Variants in CD109 observed in about 807,000 individuals in gnomAD.
The protein encoded by CD109 is CD109 molecule.
Under a neutral mutation model 165.8 loss-of-function variants are expected in CD109, and 149 were observed. That is an observed-to-expected ratio of 0.90 (90% CI 0.79 to 1.03). The LOEUF is 1.03. Among genes scored for constraint, CD109 ranks in the 50% least tolerant of loss-of-function variants. The probability of loss-of-function intolerance (pLI) is 0.00; values close to 1 mark genes in which losing one functional copy is unlikely to be tolerated. For synonymous variants in CD109, 585 were observed against 592.1 expected (o/e 0.99, Z 0.18); for missense variants, 1,712 against 1,677.8 (o/e 1.02, Z -0.36).
rs1773836510 is a variant in CD109, at chr6:73,766,145, A to G, written c.1323A>G (p.Leu441=). Residue 441 remains leucine (L), a synonymous_variant, in exon 11 of 33, where the codon CTA becomes CTG. Transcript: ENST00000287097. The stretch of plus-strand genomic sequence containing the variant: ...CAATCCTGGAGGATTCCAGTGAGCT[A>G]CAGTTGAAGGTGCCGTCTGTTTCCC... ...EFPILEDSSE[L]QLKAYFLGSK... The G allele has an allele frequency of 1.9e-6, 3 of 1,613,430 alleles. 1 individual carries two copies. Among genetic ancestry groups the G allele is most frequent in the Non-Finnish European group, 2.5e-6 (3 of 1,179,342 alleles).
intron 2 of CD109, among the ~76,000 whole-genome samples, chr6:73,702,435 T>C (rs150284817): frequency 1.4e-3 from 210 of 152,296 alleles, no homozygotes; most frequent in African/African-American, 4.7e-3. Context: ...ATTAGTGTAG[T>C]GTGTGGGCAG....
chr6:73,729,491 G>GTTATTATTATTA (rs144709719), intron 3 of CD109, among the ~76,000 whole-genome samples: 8 of 142,046 alleles, frequency 5.6e-5, no homozygotes, highest in Middle Eastern at 3.6e-3. Context: ...GACTTCTATT[G>GTTATTATTATTA]TTATTATTAT....
the CD109 span, among the ~76,000 whole-genome samples, chr6:73,690,411 G>GT: frequency 7.4e-3 from 1,129 of 151,848 alleles, 12 homozygotes; most frequent in African/African-American, 0.026. Flanking sequence ...TTTTTTGTTT[G>GT]TTTTTTTGAG....
intron 3 of CD109, among the ~76,000 whole-genome samples, chr6:73,725,138 A>C (rs1049895444): frequency 6.6e-6 from 1 of 152,214 alleles, no homozygotes; most frequent in African/African-American, 2.4e-5. Context: ...GGGGAAAAAA[A>C]CCCTGCAATC....
At chr6:73,683,098 T>C in the CD109 span, among the ~76,000 whole-genome samples, 2 of 152,388 alleles carry the variant, frequency 1.3e-5, no homozygotes, top group South Asian at 2.1e-4. Context: ...TCATTACTTA[T>C]GCAAATTTCT....
rs199818913 is a variant in CD109 at position 73,756,600 on chromosome 6, A to G, written c.634-43A>G. On this transcript the variant is annotated intron_variant, in intron 5 of 32. Coordinates refer to ENST00000287097, the MANE Select transcript of CD109 (RefSeq NM_133493.5). ...AAGTAAGCAAGCAAAATAAATAAGA[A>G]CTCATATACTTTCCTGTCTTTTTTT... is the stretch of plus-strand genomic sequence containing the variant. The G allele has an allele frequency of 1.8e-5, 24 of 1,307,836 alleles. No homozygotes were observed. The African/African-American group carries it at 3.0e-4, about 16-fold the overall frequency. 81.0% of individuals were successfully genotyped at this position (1,307,836 alleles called of 1,614,324 possible).
At chr6:73,696,987 T>TAA (rs1309603704) in intron 1 of CD109, among the ~76,000 whole-genome samples, 26 of 152,344 alleles carry the variant, frequency 1.7e-4, no homozygotes, top group Non-Finnish European at 2.1e-4. Context: ...GGCAAAATCT[T>TAA]AGTTAAAAAA....
At chr6:73,725,675 A>AT (rs897347117) in intron 3 of CD109, among the ~76,000 whole-genome samples, 4 of 150,650 alleles carry the variant, frequency 2.7e-5, no homozygotes, top group South Asian at 2.1e-4. Flanking sequence ...TGCCCAGCTA[A>AT]TTTTTTTTTG....
At chr6:73,752,464 T>A (rs949235538) in intron 5 of CD109, among the ~76,000 whole-genome samples, 1 of 152,198 alleles carries the variant, frequency 6.6e-6, no homozygotes, top group Non-Finnish European at 1.5e-5. Flanking sequence ...TTCTGTAACA[T>A]ACACCCTCAC....
upstream of CD109, chr6:73,696,197 C>T: frequency 1.9e-6 from 3 of 1,544,602 alleles, no homozygotes; most frequent in Non-Finnish European, 2.6e-6. Flanking sequence ...GGACTGTAGC[C>T]CAGGCAGACG....
chr6:73,734,677 A>G (rs1200630761), intron 4 of CD109, among the ~76,000 whole-genome samples: 13 of 152,086 alleles, frequency 8.5e-5, no homozygotes, highest in Admixed American at 7.9e-4. Flanking sequence ...GGCTTATTAG[A>G]CTGCTTTCTG....
intron 5 of CD109, among the ~76,000 whole-genome samples, chr6:73,755,907 GCTGTGT>G (rs1773371982): frequency 2.0e-5 from 3 of 152,126 alleles, no homozygotes; most frequent in Non-Finnish European, 4.4e-5. Flanking sequence ...GCTTCAGTGA[GCTGTGT>G]TTGTGCCACT....
chr6:73,806,364 G>A (rs983820590), intron 24 of CD109, among the ~76,000 whole-genome samples: 14 of 151,928 alleles, frequency 9.2e-5, no homozygotes, highest in Admixed American at 6.5e-5. Flanking sequence ...ACCTGTTGTG[G>A]GGTGGGGGGA....
At chr6:73,779,489 C>T (rs1774391247) in intron 15 of CD109, among the ~76,000 whole-genome samples, 1 of 152,102 alleles carries the variant, frequency 6.6e-6, no homozygotes, top group Non-Finnish European at 1.5e-5. Context: ...ACCTCATGAT[C>T]CGCCCGCCTC....
chr6:73,779,310 G>A (rs1196263481), intron 15 of CD109, among the ~76,000 whole-genome samples: 3 of 149,252 alleles, frequency 2.0e-5, no homozygotes, highest in Non-Finnish European at 4.4e-5. Flanking sequence ...GTGCAATAGC[G>A]CGATCTTGGC....
intron 2 of CD109, among the ~76,000 whole-genome samples, chr6:73,722,914 G>A (rs200872048): frequency 2.0e-5 from 3 of 152,264 alleles, no homozygotes; most frequent in Admixed American, 6.5e-5. Flanking sequence ...TCTGTACAGC[G>A]TGTGAAGTGT....
chr6:73,807,039 T>G lies in CD109; in HGVS notation c.3156T>G (p.Ile1052Met). Reference sequence around the variant, plus strand: ...GTCCAGTAACACTTACAGCCTATATTGTAACTTCTCTCCTGGGATATAGAA... The same window carrying G: ...GTCCAGTAACACTTACAGCCTATATGGTAACTTCTCTCCTGGGATATAGAA... ...NKSPVTLTAY[I>M]VTSLLGYRKY... Residue 1052 changes from isoleucine (I) to methionine (M), a missense_variant, in exon 25 of 33, where the codon ATT becomes ATG. Ile to Met is a conservative substitution (Grantham distance 10). Coordinates refer to ENST00000287097, the MANE Select transcript of CD109 (RefSeq NM_133493.5). 1 of 1,613,440 alleles carries G rather than the reference T, an allele frequency of 6.2e-7. No homozygotes were observed. Among genetic ancestry groups the G allele is most frequent in the South Asian group, 1.1e-5 (1 of 91,050 alleles).
intron 2 of CD109, among the ~76,000 whole-genome samples, chr6:73,711,935 A>G (rs565547841): frequency 1.3e-5 from 2 of 152,336 alleles, no homozygotes; most frequent in Non-Finnish European, 2.9e-5. Flanking sequence ...GGCTTTTAGT[A>G]TAAACATCAG....
intron 2 of CD109, among the ~76,000 whole-genome samples, chr6:73,708,461 G>A (rs148893180): frequency 0.028 from 4,201 of 152,236 alleles, 86 homozygotes; most frequent in East Asian, 0.046. Context: ...ATAAACATAC[G>A]TGTGCATGTG....
Sources: allele counts gnomAD v4.1 joint callset (sites outside exome capture counted in the v4.1 genomes callset), GRCh38; gene constraint gnomAD v4.1.1; transcripts MANE v1.5; gene names NCBI Gene and HGNC (gene_info 2026-07-23, HGNC 2026-07-21).